RBM6: variants seen among roughly 807,000 people sequenced by gnomAD.
The protein encoded by RBM6 is RNA binding motif protein 6.
RBM6 carries 23 observed loss-of-function variants against 140.4 expected under a neutral mutation model. That is an observed-to-expected ratio of 0.16 (90% CI 0.12 to 0.23). The LOEUF (loss-of-function observed/expected upper bound fraction) is 0.23. Among genes scored for constraint, RBM6 ranks in the 10% least tolerant of loss-of-function variants. The pLI, the probability that RBM6 is intolerant of heterozygous loss-of-function variation, is 1.00. For synonymous variants in RBM6, 439 were observed against 475.6 expected, an observed-to-expected ratio of 0.92 and a Z score of 1.00; for missense variants, 1,139 against 1,386.7, an observed-to-expected ratio of 0.82 and a Z score of 2.84.
In RBM6 at chr3:50,054,346, C is replaced by T; in HGVS notation, c.1644C>T (p.Asn548=). The change falls in exon 8 of 21, where the codon AAC becomes AAT. Residue 548 remains asparagine, a synonymous_variant. Coordinates refer to ENST00000266022, the MANE Select transcript of RBM6 (RefSeq NM_005777.3). Reference sequence around the variant, plus strand: ...CTTCTTCCTTACAGTGTAAGGCAAACATTGGTGGGCACCGATCTTCCTGTT... The same window carrying T: ...CTTCTTCCTTACAGTGTAAGGCAAATATTGGTGGGCACCGATCTTCCTGTT... ...DFWYCKRCKA[N]IGGHRSSCSF... 1 of 1,612,174 alleles carries T rather than the reference C, an allele frequency of 6.2e-7. No individual in the cohort carries two copies. The highest frequency in any genetic ancestry group is 8.5e-7 in the Non-Finnish European group (1 of 1,178,240).
intron 16 of RBM6, among the ~76,000 whole-genome samples, chr3:50,065,882 TAATG>T (rs2090104894): frequency 6.6e-6 from 1 of 152,242 alleles, no homozygotes; most frequent in Non-Finnish European, 1.5e-5. Context: ...GCTAGAGTCT[TAATG>T]AAAGTCATCT....
At chr3:50,029,865 T>A (rs6446194) in intron 6 of RBM6, among the ~76,000 whole-genome samples, 92,129 of 151,152 alleles carry the variant, frequency 0.61, 28,534 homozygotes, top group East Asian at 0.88. Context: ...GCTATAAAAA[T>A]TTTTTAAAAA....
intron 2 of RBM6, among the ~76,000 whole-genome samples, chr3:49,963,273 T>G (rs2084365058): frequency 6.6e-6 from 1 of 152,056 alleles, no homozygotes; most frequent in Non-Finnish European, 1.5e-5. Flanking sequence ...TCTCTCTGTC[T>G]CCCAGGCTGG....
chr3:49,953,377 G>T (rs544404216), intron 1 of RBM6, among the ~76,000 whole-genome samples: 1 of 151,874 alleles, frequency 6.6e-6, no homozygotes, highest in African/African-American at 2.4e-5. Flanking sequence ...GTGCCACCAC[G>T]CCCAGCTAAT....
In RBM6 at chr3:50,061,520, A is replaced by C; in HGVS notation, c.2412A>C (p.Ala804=). Residue 804 remains alanine, a synonymous_variant, in exon 14 of 21, where the codon GCA becomes GCC. Transcript: ENST00000266022. ...CTGGCTACTATTATGACCCCTTGGCAGGAACTTATTATGACCCCAATACCC... is the reference window on the plus strand; with the variant it reads ...CTGGCTACTATTATGACCCCTTGGCCGGAACTTATTATGACCCCAATACCC... The part of the protein sequence containing the change: ...SATGYYYDPL[A]GTYYDPNTQQ... 3.7e-6 allele frequency: 6 copies of C among 1,604,732 alleles called. No individual in the cohort carries two copies. The highest frequency in any genetic ancestry group is 5.1e-6 in the Non-Finnish European group (6 of 1,177,836).
In RBM6 at chr3:49,985,755, T is replaced by C. The variant is rs997661855; in HGVS notation, c.1483+10363T>C. ...CCGAGTAGCTGGGACTACAGGCGCC[T>C]GCCACCACGCCCGGCTAATTTTTTG... On this transcript the variant is annotated intron_variant, in intron 5 of 20. Coordinates refer to ENST00000266022, the MANE Select transcript of RBM6 (RefSeq NM_005777.3). 8.0e-4 allele frequency among the ~76,000 whole-genome samples: 122 copies of C among 151,612 alleles called. 3 individuals carry two copies. The highest frequency in any genetic ancestry group is 4.6e-4 in the Admixed American group (7 of 15,196).
At chr3:49,969,880 C>T (rs140844720) in intron 3 of RBM6, among the ~76,000 whole-genome samples, 3,446 of 152,174 alleles carry the variant, frequency 0.023, 59 homozygotes, top group Non-Finnish European at 0.036. Context: ...GGGGTTCCCC[C>T]GCCTCAGCCT....
At chr3:50,076,707 G>A (rs532554211) in intron 20 of RBM6, among the ~76,000 whole-genome samples, 1 of 151,832 alleles carries the variant, frequency 6.6e-6, no homozygotes, top group African/African-American at 2.4e-5. Flanking sequence ...CCAACATGGC[G>A]AAACCCTGTC....
intron 17 of RBM6, among the ~76,000 whole-genome samples, chr3:50,067,289 A>G (rs2090155202): frequency 6.6e-6 from 1 of 152,038 alleles, no homozygotes. Flanking sequence ...CAATTCAAGA[A>G]TGAATTGCTC....
intron 1 of RBM6, among the ~76,000 whole-genome samples, chr3:49,943,318 T>TG (rs1402042037): frequency 6.6e-6 from 1 of 151,912 alleles, no homozygotes; most frequent in African/African-American, 2.4e-5. Flanking sequence ...TTTATTTTTT[T>TG]TTGAGACAGG....
intron 6 of RBM6, among the ~76,000 whole-genome samples, chr3:50,011,415 A>C (rs1207871964): frequency 6.6e-6 from 1 of 152,186 alleles, no homozygotes; most frequent in Non-Finnish European, 1.5e-5. Flanking sequence ...ATAAAGGACT[A>C]TTTTGAAGTA....
intron 6 of RBM6, among the ~76,000 whole-genome samples, chr3:50,028,893 C>T (rs1190403388): frequency 6.6e-6 from 1 of 152,154 alleles, no homozygotes; most frequent in Non-Finnish European, 1.5e-5. Flanking sequence ...CTTGACCCCC[C>T]CAACCCAAGT....
chr3:49,954,947 G>A (rs2083904680), intron 1 of RBM6, among the ~76,000 whole-genome samples: 1 of 151,786 alleles, frequency 6.6e-6, no homozygotes, highest in Non-Finnish European at 1.5e-5. Flanking sequence ...TTTAAGTAGA[G>A]ACAGGGTTTC....
chr3:50,039,482 A>ACCCCCCCCC (rs10546220), intron 6 of RBM6, among the ~76,000 whole-genome samples: 14 of 122,144 alleles, frequency 1.1e-4, no homozygotes, highest in Non-Finnish European at 1.6e-4. Flanking sequence ...CAGGTGATCC[A>ACCCCCCCCC]CCCCCCCCCC....
intron 6 of RBM6, among the ~76,000 whole-genome samples, chr3:50,010,537 C>G (rs1394414224): frequency 6.6e-6 from 1 of 152,030 alleles, no homozygotes; most frequent in African/African-American, 2.4e-5. Context: ...ATTGTATATA[C>G]TTTAAAACAG....
intron 6 of RBM6, among the ~76,000 whole-genome samples, chr3:50,016,456 C>G (rs902873868): frequency 6.6e-6 from 1 of 151,806 alleles, no homozygotes; most frequent in Non-Finnish European, 1.5e-5. Flanking sequence ...TGGATATATA[C>G]TGTACCCAAA....
chr3:50,037,608 T>C (rs906796566), intron 6 of RBM6, among the ~76,000 whole-genome samples: 4 of 152,114 alleles, frequency 2.6e-5, no homozygotes, highest in African/African-American at 9.7e-5. Flanking sequence ...TGGGAGGTGA[T>C]AGATAAAGGG....
chr3:50,041,017 ACAGT>A (rs1203249127), intron 6 of RBM6, among the ~76,000 whole-genome samples: 1 of 152,166 alleles, frequency 6.6e-6, no homozygotes, highest in African/African-American at 2.4e-5. Context: ...GCTCAGTGAA[ACAGT>A]CAGCCGTTTT....
chr3:49,967,650 T>C lies in RBM6; in HGVS notation c.225T>C (p.Tyr75=), dbSNP rs772688515. ...FANVEEHSFS[Y]GARDGPHGDY... is the part of the protein sequence containing the mutation. ...ATGTAGAGGAGCATTCTTTCAGCTA[T>C]GGAGCTAGAGACGGACCGCATGGTG... Residue 75 remains tyrosine, a synonymous_variant, in exon 3 of 21, where the codon TAT becomes TAC. Coordinates refer to ENST00000266022, the MANE Select transcript of RBM6 (RefSeq NM_005777.3). This position sits in a 1 kb window ranked among gnomAD's most constrained non-coding sequence, Gnocchi z 4.0. 1 of 1,614,080 alleles carries C rather than the reference T, an allele frequency of 6.2e-7. No homozygotes were observed. Among genetic ancestry groups the C allele is most frequent in the South Asian group, 1.1e-5 (1 of 91,068 alleles).
Sources: gnomAD v4.1 joint callset for allele counts (sites outside exome capture counted in the v4.1 genomes callset) on GRCh38, gnomAD v4.1.1 for gene constraint, Gnocchi (gnomAD v3.1) non-coding constraint, MANE v1.5 for transcripts, NCBI Gene and HGNC (gene_info 2026-07-23, HGNC 2026-07-21) for gene names.